TUB: variants seen among roughly 807,000 people sequenced by gnomAD.
TUB encodes TUB bipartite transcription factor, also known as tubby protein homolog.
TUB carries 33 observed loss-of-function variants against 59.7 expected under a neutral mutation model. That is an observed-to-expected ratio of 0.55 (90% CI 0.42 to 0.74). The LOEUF (loss-of-function observed/expected upper bound fraction) is 0.74. Among genes scored for constraint, TUB ranks in the 30% least tolerant of loss-of-function variants. The pLI is 0.00. For missense variants in TUB, 659 were observed against 672.0 expected (o/e 0.98, Z 0.21); for synonymous variants, 293 against 256.4 (o/e 1.14, Z -1.36).
intron 1 of TUB, among the ~76,000 whole-genome samples, chr11:8,028,962 T>C (rs1437340038): frequency 6.6e-6 from 1 of 152,132 alleles, no homozygotes; most frequent in East Asian, 1.9e-4. Flanking sequence ...CAGTGAACCG[T>C]GATCACACCA....
At chr11:8,030,740 G>T (rs904102856) in intron 1 of TUB, among the ~76,000 whole-genome samples, 1 of 152,112 alleles carries the variant, frequency 6.6e-6, no homozygotes, top group African/African-American at 2.4e-5. Context: ...CGGGGGAAGC[G>T]GTCCCTGGAT....
intron 2 of TUB, among the ~76,000 whole-genome samples, chr11:8,075,294 T>A (rs1444159819): frequency 6.6e-6 from 1 of 152,224 alleles, no homozygotes; most frequent in Non-Finnish European, 1.5e-5. Context: ...AAGGCGCCCA[T>A]CATCTGGTTT....
chr11:8,078,494 T>C (rs1943485932), upstream of TUB, among the ~76,000 whole-genome samples: 1 of 152,064 alleles, frequency 6.6e-6, no homozygotes, highest in African/African-American at 2.4e-5. Flanking sequence ...ATCATATGAC[T>C]TTCTGGAGTA....
At chr11:8,082,916 G>A (rs1446401760) in intron 1 of TUB, among the ~76,000 whole-genome samples, 1 of 152,112 alleles carries the variant, frequency 6.6e-6, no homozygotes, top group Admixed American at 6.6e-5. Context: ...TCACACGTGC[G>A]CACATACAGG....
intron 2 of TUB, among the ~76,000 whole-genome samples, chr11:8,070,024 G>A (rs191621319): frequency 6.2e-4 from 95 of 152,304 alleles, no homozygotes; most frequent in Admixed American, 3.3e-3. Flanking sequence ...GTTGCTGATC[G>A]ACACTAGCCA....
intron 2 of TUB, chr11:8,060,160 A>T (rs1943095924): frequency 6.6e-6 from 1 of 152,658 alleles, no homozygotes; most frequent in Admixed American, 6.5e-5. Flanking sequence ...GCCATCAGGA[A>T]GTAGATTTGG....
chr11:8,095,412 T>C lies in TUB; in HGVS notation c.398-86T>C, dbSNP rs1418889276. ...GTTTTGCAGAGGGTTTCCCCACTCT[T>C]CCCTCATCCCCTTCATGGACGTCTG... is the stretch of plus-strand genomic sequence containing the variant. On this transcript the variant is annotated intron_variant, in intron 4 of 11. Coordinates refer to ENST00000299506, the MANE Select transcript of TUB (RefSeq NM_177972.3). 4.2e-6 allele frequency: 6 copies of C among 1,420,384 alleles called. No homozygotes were observed. In the Admixed American group the frequency reaches 1.3e-4, roughly 32 times the overall value. The allele number at this position is 1,420,384 out of a possible 1,614,324, so 88.0% of individuals were successfully genotyped here.
chr11:8,021,321 T>C (rs922967661), intron 1 of TUB, among the ~76,000 whole-genome samples: 9 of 151,922 alleles, frequency 5.9e-5, no homozygotes, highest in African/African-American at 2.2e-4. Context: ...ACAAAAACCA[T>C]TAGCTGGGCA....
Position 8,038,960 on chromosome 11 carries a change from C to A in TUB, c.87C>A (p.Pro29=). 4.3e-6 allele frequency: 7 copies of A among 1,614,038 alleles called. No homozygotes were observed. The highest frequency in any genetic ancestry group is 5.9e-6 in the Non-Finnish European group (7 of 1,179,998). The change falls in exon 1 of 13, where the codon CCC becomes CCA. Residue 29 remains proline (P), a synonymous_variant. Coordinates refer to the TUB transcript ENST00000305253. ...TGTTCCCAGGAGGCACTCCCTGGCC[C>A]ATGGGATCTCAGCATTCAAAGCAGC... is the stretch of plus-strand genomic sequence containing the variant.
intron 1 of TUB, among the ~76,000 whole-genome samples, chr11:8,030,756 G>A (rs1236296055): frequency 1.3e-5 from 2 of 152,184 alleles, no homozygotes; most frequent in East Asian, 1.9e-4. Context: ...TGGATCTGGG[G>A]AGGCTTTGGA....
rs1943730517 is a variant in TUB, at chr11:8,089,499, C to A, written c.39-111C>A. On this transcript the variant is annotated intron_variant, in intron 1 of 11. Transcript: ENST00000299506. Reference sequence around the variant, plus strand: ...ACCATGTGGGCTCACTGAGTCCCAGCAGCCGTGATGGGATGGGTTTAACGG... The same window carrying A: ...ACCATGTGGGCTCACTGAGTCCCAGAAGCCGTGATGGGATGGGTTTAACGG... 7 of 1,314,346 alleles carry A rather than the reference C, an allele frequency of 5.3e-6. No homozygotes were observed. In the Admixed American group the frequency reaches 8.7e-5, roughly 16 times the overall value. The allele number at this position is 1,314,346 out of a possible 1,614,324, so 81.4% of individuals were successfully genotyped here.
At chr11:8,070,850 T>C (rs1387907261) in intron 2 of TUB, among the ~76,000 whole-genome samples, 3 of 152,170 alleles carry the variant, frequency 2.0e-5, no homozygotes, top group African/African-American at 7.2e-5. Context: ...AATTTTGGTC[T>C]GTGAGCAAGG....
At chr11:8,044,073 G>A (rs989912480) in intron 2 of TUB, among the ~76,000 whole-genome samples, 3 of 151,638 alleles carry the variant, frequency 2.0e-5, no homozygotes, top group South Asian at 4.2e-4. Context: ...TTTTCTTCAC[G>A]TTTCTTCCAC....
intron 5 of TUB, 101 bp downstream of exon 5, chr11:8,095,766 C>A: frequency 7.7e-7 from 1 of 1,301,614 alleles, no homozygotes; most frequent in South Asian, 1.5e-5. Flanking sequence ...CAAACCCCTC[C>A]CTGGCAATGG....
At chr11:8,067,127 G>A (rs1452187651) in intron 2 of TUB, among the ~76,000 whole-genome samples, 4 of 152,126 alleles carry the variant, frequency 2.6e-5, no homozygotes, top group Non-Finnish European at 5.9e-5. Context: ...GCCTCACTCC[G>A]TAAGTCTGAC....
chr11:8,090,208 G>T lies in TUB; in HGVS notation c.230G>T (p.Ser77Ile), dbSNP rs772925281. 6.2e-7 allele frequency: 1 copy of T among 1,613,706 alleles called. No homozygotes were observed. Residue 77 changes from serine (S) to isoleucine (I), a missense_variant, in exon 3 of 12, where the codon AGC becomes ATC. Ser to Ile is a moderately radical substitution (Grantham distance 142). Coordinates refer to ENST00000299506, the MANE Select transcript of TUB (RefSeq NM_177972.3). ...QAPLVESYLS[S>I]SGSTSYQVQE... Reference sequence around the variant, plus strand: ...CCCCTGGTGGAGTCCTACCTCAGCAGCAGTGGCAGCACCAGCTACCAAGGT... The same window carrying T: ...CCCCTGGTGGAGTCCTACCTCAGCATCAGTGGCAGCACCAGCTACCAAGGT...
chr11:8,084,184 T>C (rs4550257), intron 1 of TUB, among the ~76,000 whole-genome samples: 2,756 of 152,260 alleles, frequency 0.018, 38 homozygotes, highest in Non-Finnish European at 0.029. Flanking sequence ...GTGAGGGTTT[T>C]ACTCCCTCTC....
upstream of TUB, chr11:8,077,141 C>G (rs7951403): frequency 0.4 from 61,187 of 152,096 alleles, 14,363 homozygotes; most frequent in East Asian, 0.58. Context: ...TTTGCCATAC[C>G]ACTAGCCTTT....
chr11:8,100,696 G>A (rs1330793552), intron 10 of TUB, 95 bp downstream of exon 10: 41 of 1,408,220 alleles, frequency 2.9e-5, no homozygotes, highest in East Asian at 1.7e-4. Flanking sequence ...TGTATGTGGA[G>A]GGGTACCATG....
Sources: allele counts gnomAD v4.1 joint callset (sites outside exome capture counted in the v4.1 genomes callset), GRCh38; gene constraint gnomAD v4.1.1; transcripts MANE v1.5; gene names NCBI Gene and HGNC (gene_info 2026-07-23, HGNC 2026-07-21).